Variants in TP63 observed in about 807,000 individuals in gnomAD.
TP63 encodes the protein tumor protein 63.
In TP63, 17 loss-of-function variants were observed where a neutral mutation model predicts 82.8. The ratio of observed to expected loss-of-function variants is 0.21; its 90% confidence interval spans 0.14 to 0.31. The LOEUF (loss-of-function observed/expected upper bound fraction) is 0.31. Among genes scored for constraint, TP63 ranks in the 10% least tolerant of loss-of-function variants. The pLI, the probability that TP63 is intolerant of heterozygous loss-of-function variation, is 1.00. For synonymous variants in TP63, 330 were observed against 321.7 expected, an observed-to-expected ratio of 1.03 and a Z score of -0.28; for missense variants, 648 against 895.3, an observed-to-expected ratio of 0.72 and a Z score of 3.52.
intron 1 of TP63, among the ~76,000 whole-genome samples, chr3:189,717,143 G>A (rs1253207866): frequency 6.6e-6 from 1 of 151,958 alleles, no homozygotes; most frequent in Non-Finnish European, 1.5e-5. Context: ...TGCAACAACT[G>A]AAATATCAAC....
chr3:189,666,615 A>G (rs1426420897), intron 1 of TP63, among the ~76,000 whole-genome samples: 1 of 152,150 alleles, frequency 6.6e-6, no homozygotes, highest in African/African-American at 2.4e-5. Context: ...ATGATTTAGA[A>G]TAGGTAAACA....
At chr3:189,834,442 A>G (rs1026313588) in intron 4 of TP63, among the ~76,000 whole-genome samples, 1 of 152,212 alleles carries the variant, frequency 6.6e-6, no homozygotes, top group African/African-American at 2.4e-5. Context: ...ATAAGGTGGA[A>G]AAAGTGGGCT....
At chr3:189,861,197 C>T (rs1437950016) in intron 4 of TP63, among the ~76,000 whole-genome samples, 5 of 152,070 alleles carry the variant, frequency 3.3e-5, no homozygotes, top group African/African-American at 4.8e-5. Context: ...CCACTGTGCC[C>T]GACCACATGT....
intron 4 of TP63, among the ~76,000 whole-genome samples, chr3:189,843,284 C>T (rs1714394078): frequency 1.4e-5 from 2 of 147,502 alleles, no homozygotes; most frequent in Non-Finnish European, 3.0e-5. Flanking sequence ...CCTGCCAGGC[C>T]CAGTGGGCTC....
At chr3:189,647,800 A>G in intron 1 of TP63, among the ~76,000 whole-genome samples, 1 of 146,960 alleles carries the variant, frequency 6.8e-6, no homozygotes, top group Admixed American at 6.7e-5. Context: ...GTTTCCATGA[A>G]TAGAAAATTT....
At chr3:189,620,522 A>AAC in the TP63 span, among the ~76,000 whole-genome samples, 3 of 151,774 alleles carry the variant, frequency 2.0e-5, no homozygotes, top group Non-Finnish European at 4.4e-5. Context: ...AAAAACAAAA[A>AAC]AAAAAAACCT....
intron 4 of TP63, among the ~76,000 whole-genome samples, chr3:189,856,782 T>C (rs1290953246): frequency 6.6e-6 from 1 of 152,040 alleles, no homozygotes; most frequent in Non-Finnish European, 1.5e-5. Flanking sequence ...ATAACAATTA[T>C]TTTAAAATAA....
At chr3:189,611,169 T>C in the TP63 span, among the ~76,000 whole-genome samples, 1 of 152,226 alleles carries the variant, frequency 6.6e-6, no homozygotes, top group African/African-American at 2.4e-5. Flanking sequence ...TTGTCAATTT[T>C]TGCTTTTGTT....
At chr3:189,728,597 G>A (rs1302561840) in intron 1 of TP63, among the ~76,000 whole-genome samples, 2 of 152,164 alleles carry the variant, frequency 1.3e-5, no homozygotes, top group Non-Finnish European at 2.9e-5. Flanking sequence ...CTTTCATGCT[G>A]CTATGAAGAG....
intron 3 of TP63, among the ~76,000 whole-genome samples, chr3:189,784,276 T>TA (rs1724434272): frequency 6.6e-6 from 1 of 152,096 alleles, no homozygotes; most frequent in South Asian, 2.1e-4. Context: ...AAAATACTGT[T>TA]ATTACAATCA....
At chr3:189,608,424 A>G in the TP63 span, among the ~76,000 whole-genome samples, 1 of 152,180 alleles carries the variant, frequency 6.6e-6, no homozygotes. Context: ...TATTGGACAC[A>G]TGATAAACTG....
intron 1 of TP63, among the ~76,000 whole-genome samples, chr3:189,652,603 T>C (rs1712987598): frequency 6.8e-6 from 1 of 146,586 alleles, no homozygotes; most frequent in South Asian, 2.2e-4. Flanking sequence ...AAAGTCATGA[T>C]TGTGTTTTGA....
intron 4 of TP63, among the ~76,000 whole-genome samples, chr3:189,853,104 G>A (rs1411898637): frequency 6.6e-6 from 1 of 152,008 alleles, no homozygotes; most frequent in African/African-American, 2.4e-5. Context: ...CTAATCTGGT[G>A]ACTTCTCATC....
chr3:189,827,993 C>A (rs998029224), intron 4 of TP63, among the ~76,000 whole-genome samples: 1 of 152,118 alleles, frequency 6.6e-6, no homozygotes, highest in Non-Finnish European at 1.5e-5. Context: ...GTAATCCCAG[C>A]ACTTTGGGAG....
At chr3:189,605,109 G>A in the TP63 span, among the ~76,000 whole-genome samples, 1 of 152,132 alleles carries the variant, frequency 6.6e-6, no homozygotes, top group African/African-American at 2.4e-5. Context: ...ACCACACACT[G>A]AGGAGAAGGA....
chr3:189,657,923 A>G (rs1005899902), intron 1 of TP63, among the ~76,000 whole-genome samples: 4 of 152,110 alleles, frequency 2.6e-5, no homozygotes, highest in African/African-American at 9.7e-5. Flanking sequence ...AGGACACCTA[A>G]GTAGTTACAA....
rs553032393 is a variant in TP63, at chr3:189,771,209, C to T, written c.324+32435C>T. ...AAGTTGAATGAGCTCTCAAAGATAACGTTTTCTTTATTATTGTTTCATGTT... is the reference window on the plus strand; with the variant it reads ...AAGTTGAATGAGCTCTCAAAGATAATGTTTTCTTTATTATTGTTTCATGTT... On this transcript the variant is annotated intron_variant, in intron 3 of 13. Coordinates refer to ENST00000264731, the MANE Select transcript of TP63 (RefSeq NM_003722.5). Among the ~76,000 whole-genome samples, 80 of 147,562 alleles carry T rather than the reference C, an allele frequency of 5.4e-4. 1 individual carries two copies. The highest frequency in any genetic ancestry group is 2.2e-3 in the Admixed American group (32 of 14,436).
chr3:189,796,822 A>G (rs1725757314), intron 3 of TP63, among the ~76,000 whole-genome samples: 1 of 152,148 alleles, frequency 6.6e-6, no homozygotes, highest in African/African-American at 2.4e-5. Context: ...AAAATTATAA[A>G]TTTCTTATTT....
intron 1 of TP63, among the ~76,000 whole-genome samples, chr3:189,664,556 C>A (rs1293935797): frequency 6.6e-6 from 1 of 152,084 alleles, no homozygotes; most frequent in Admixed American, 6.6e-5. Flanking sequence ...ACTCAGAATT[C>A]AAGACTTCTG....
Sources: allele counts gnomAD v4.1 joint callset (sites outside exome capture counted in the v4.1 genomes callset), GRCh38; gene constraint gnomAD v4.1.1; transcripts MANE v1.5; gene names NCBI Gene and HGNC (gene_info 2026-07-23, HGNC 2026-07-21).